ASB5: variants seen among roughly 807,000 people sequenced by gnomAD.
ASB5 encodes the protein ankyrin repeat and SOCS box protein 5.
ASB5 carries 45 observed loss-of-function variants against 42.1 expected under a neutral mutation model. The ratio of observed to expected loss-of-function variants is 1.07; its 90% CI spans 0.84 to 1.37. The LOEUF (loss-of-function observed/expected upper bound fraction) is 1.37. Among genes scored for constraint, ASB5 ranks in the 40% most tolerant of loss-of-function variants. ASB5 has a pLI of 0.00. For missense variants in ASB5, 402 were observed against 399.8 expected (o/e 1.01, Z -0.05); for synonymous variants, 147 against 150.6 (o/e 0.98, Z 0.18).
chr4:176,251,750 G>A (rs1754041191), intron 1 of ASB5, among the ~76,000 whole-genome samples: 1 of 151,284 alleles, frequency 6.6e-6, no homozygotes, highest in Non-Finnish European at 1.5e-5. Context: ...TACATTAGCA[G>A]CCATTAACTG....
chr4:176,217,789 T>C (rs1753014722), intron 5 of ASB5, among the ~76,000 whole-genome samples: 2 of 152,200 alleles, frequency 1.3e-5, no homozygotes, highest in South Asian at 4.1e-4. Context: ...TCCCATTTTC[T>C]GGTACATAAA....
chr4:176,269,003 C>A lies in ASB5; in HGVS notation c.106G>T (p.Ala36Ser), dbSNP rs1754418406. The change falls in exon 1 of 7, where the codon GCC becomes TCC. Residue 36 changes from alanine to serine, a missense_variant. Transcript: ENST00000296525. ...CFKLFVKISL[A>S]ILSHFYIVKG... ...ACTATGTAGAAATGACTGAGGATGGCAAGGCTGATTTTCACAAAAAGCTTA... is the reference window on the plus strand; with the variant it reads ...ACTATGTAGAAATGACTGAGGATGGAAAGGCTGATTTTCACAAAAAGCTTA... 6.2e-7 allele frequency: 1 copy of A among 1,613,612 alleles called. No homozygotes were observed. Among genetic ancestry groups the A allele is most frequent in the East Asian group, 2.2e-5 (1 of 44,868 alleles).
At chr4:176,233,114 G>A (rs1356158176) in intron 1 of ASB5, among the ~76,000 whole-genome samples, 1 of 152,114 alleles carries the variant, frequency 6.6e-6, no homozygotes, top group African/African-American at 2.4e-5. Flanking sequence ...AGTACTAAAT[G>A]CATTTGAAAC....
chr4:176,216,562 G>A (rs969359937), intron 6 of ASB5, among the ~76,000 whole-genome samples: 1 of 152,162 alleles, frequency 6.6e-6, no homozygotes, highest in African/African-American at 2.4e-5. Flanking sequence ...TGTTGGCCAG[G>A]ATGGCCTTGA....
At chr4:176,270,699 T>C (rs1288531776), upstream of ASB5, among the ~76,000 whole-genome samples, 3 of 152,142 alleles carry the variant, frequency 2.0e-5, no homozygotes, top group African/African-American at 7.2e-5. Flanking sequence ...TAACTTCAAA[T>C]AGAAGATTAA....
chr4:176,253,254 T>C (rs1754079998), intron 1 of ASB5, among the ~76,000 whole-genome samples: 1 of 152,228 alleles, frequency 6.6e-6, no homozygotes, highest in Non-Finnish European at 1.5e-5. Context: ...AAAATGTACA[T>C]TTATAAAACA....
intron 1 of ASB5, among the ~76,000 whole-genome samples, chr4:176,240,353 T>C (rs974726863): frequency 1.3e-5 from 2 of 152,220 alleles, no homozygotes; most frequent in African/African-American, 4.8e-5. Flanking sequence ...AAGGCAATTC[T>C]ATCTCCAGGA....
intron 1 of ASB5, among the ~76,000 whole-genome samples, chr4:176,259,587 T>C (rs1754218835): frequency 6.6e-6 from 1 of 152,212 alleles, no homozygotes; most frequent in Non-Finnish European, 1.5e-5. Flanking sequence ...GAAGGATTGC[T>C]TCCTTTCTCA....
At chr4:176,220,462 A>G (rs1374342329) in intron 5 of ASB5, among the ~76,000 whole-genome samples, 2 of 152,140 alleles carry the variant, frequency 1.3e-5, no homozygotes, top group Non-Finnish European at 2.9e-5. Context: ...CTATCAGATG[A>G]GAGGATGAGA....
chr4:176,220,535 G>A (rs1753174373), intron 5 of ASB5, among the ~76,000 whole-genome samples: 1 of 152,154 alleles, frequency 6.6e-6, no homozygotes, highest in Non-Finnish European at 1.5e-5. Context: ...ATCGTAAGGG[G>A]ACTCTGAGTC....
In ASB5 at chr4:176,249,958, G is replaced by T. The variant is rs531003022; in HGVS notation, c.196+18955C>A. 5.3e-5 allele frequency among the ~76,000 whole-genome samples: 8 copies of T among 151,620 alleles called. No individual in the cohort carries two copies. In the East Asian group the frequency reaches 9.7e-4, roughly 18 times the overall value. On this transcript the variant is annotated intron_variant, in intron 1 of 6. Coordinates refer to ENST00000296525, the MANE Select transcript of ASB5 (RefSeq NM_080874.4). ...CGGGCGCCTGTAGTCCCAGCTACTC[G>T]GGAGGCTGAGGCAGGAGAATGACAT...
At position 176,249,865 on chromosome 4, in the gene ASB5, A is replaced by G. The variant is rs539692055; in HGVS notation, c.196+19048T>C. Among the ~76,000 whole-genome samples the G allele has an allele frequency of 3.9e-5, 6 of 152,024 alleles. No homozygotes were observed. The South Asian group carries it at 1.0e-3, about 26-fold the overall frequency. On this transcript the variant is annotated intron_variant, in intron 1 of 6. Coordinates refer to ENST00000296525, the MANE Select transcript of ASB5 (RefSeq NM_080874.4). ...TGGATCACGAGGTCAGGAGATGGAGACCATCCTGGCTAACACAGTGAAACC... is the reference window on the plus strand; with the variant it reads ...TGGATCACGAGGTCAGGAGATGGAGGCCATCCTGGCTAACACAGTGAAACC...
At chr4:176,220,427 C>T (rs559139022) in intron 5 of ASB5, among the ~76,000 whole-genome samples, 2 of 152,220 alleles carry the variant, frequency 1.3e-5, no homozygotes, top group East Asian at 3.9e-4. Context: ...ACTCCATTTA[C>T]TCATTTTATT....
intron 1 of ASB5, among the ~76,000 whole-genome samples, chr4:176,255,929 C>T (rs1243376045): frequency 6.6e-6 from 1 of 152,162 alleles, no homozygotes; most frequent in Non-Finnish European, 1.5e-5. Flanking sequence ...GGTATTATCA[C>T]ACAGAACTGG....
At chr4:176,265,835 T>C (rs1754345641) in intron 1 of ASB5, among the ~76,000 whole-genome samples, 1 of 152,140 alleles carries the variant, frequency 6.6e-6, no homozygotes, top group Non-Finnish European at 1.5e-5. Flanking sequence ...CTCTGATACA[T>C]AAAGATTGTA....
chr4:176,222,544 G>T, intron 2 of ASB5, 124 bp from the exon 3 acceptor site: 1 of 884,958 alleles, frequency 1.1e-6, no homozygotes, highest in Non-Finnish European at 1.8e-6. Flanking sequence ...CGAGTTTCCA[G>T]TTTAGCAGGA....
At chr4:176,233,356 A>G (rs1454983098) in intron 1 of ASB5, among the ~76,000 whole-genome samples, 2 of 152,316 alleles carry the variant, frequency 1.3e-5, no homozygotes, top group East Asian at 3.9e-4. Context: ...CATAGCTCCC[A>G]CGCTGATCTC....
chr4:176,231,281 C>G (rs1303855436), intron 1 of ASB5, among the ~76,000 whole-genome samples: 1 of 151,184 alleles, frequency 6.6e-6, no homozygotes, highest in African/African-American at 2.4e-5. Flanking sequence ...TTTGCCAGTT[C>G]TGTTCGGCCA....
intron 1 of ASB5, among the ~76,000 whole-genome samples, chr4:176,236,765 T>A (rs1753695042): frequency 6.6e-6 from 1 of 152,192 alleles, no homozygotes; most frequent in African/African-American, 2.4e-5. Flanking sequence ...CTAAAACTTA[T>A]GCAAATGTAT....
Sources: gnomAD v4.1 joint callset for allele counts (sites outside exome capture counted in the v4.1 genomes callset) on GRCh38, gnomAD v4.1.1 for gene constraint, MANE v1.5 for transcripts, NCBI Gene and HGNC (gene_info 2026-07-23, HGNC 2026-07-21) for gene names.